PM20D2: variants seen among roughly 807,000 people sequenced by gnomAD.
PM20D2 encodes the protein xaa-Arg dipeptidase.
PM20D2 carries 33 observed loss-of-function variants against 42.9 expected under a neutral mutation model. That is an observed-to-expected ratio of 0.77 (90% CI 0.58 to 1.03). The LOEUF is 1.03. PM20D2 is among the 50% of genes least tolerant of loss of function. The pLI is 0.00. For missense variants in PM20D2, 548 were observed against 557.0 expected, an observed-to-expected ratio of 0.98 and a Z score of 0.16; for synonymous variants, 250 against 228.2, an observed-to-expected ratio of 1.10 and a Z score of -0.86.
the PM20D2 span, among the ~76,000 whole-genome samples, chr6:89,140,520 G>C: frequency 6.6e-6 from 1 of 152,168 alleles, no homozygotes; most frequent in East Asian, 1.9e-4. Flanking sequence ...GACTTTAAAA[G>C]CACTGCACCG....
At chr6:89,106,904 C>T in the PM20D2 span, 1 of 523,134 alleles carries the variant, frequency 1.9e-6, no homozygotes, top group Non-Finnish European at 3.7e-6. Context: ...TCCCTCTTTA[C>T]TCCTTGATGC....
chr6:89,099,001 G>A, the PM20D2 span: 1 of 1,518,316 alleles, frequency 6.6e-7, no homozygotes. Context: ...AAGAGATCAG[G>A]AAATAACACT....
the PM20D2 span, among the ~76,000 whole-genome samples, chr6:89,094,973 C>A: frequency 6.6e-6 from 1 of 151,900 alleles, no homozygotes; most frequent in Non-Finnish European, 1.5e-5. Flanking sequence ...GTCCTTAAAC[C>A]CTTGGGAGTC....
rs988924753 is a variant in PM20D2, at chr6:89,165,159, G to A, written c.*2896G>A. ...ACAATAAGTTTTTTTTTTTAAGGAT[G>A]ATTGTCTAATTTTGTAATATGTTGT... On this transcript the variant is annotated 3_prime_UTR_variant, in exon 7 of 7. Transcript: ENST00000275072. 2.6e-5 allele frequency: 4 copies of A among 151,598 alleles called. No individual in the cohort carries two copies. The highest frequency in any genetic ancestry group is 4.8e-5 in the African/African-American group (2 of 41,300). The allele number at this position is 151,598 out of a possible 1,614,324, so 9.4% of individuals were successfully genotyped here.
At chr6:89,099,815 G>A in the PM20D2 span, among the ~76,000 whole-genome samples, 1 of 152,022 alleles carries the variant, frequency 6.6e-6, no homozygotes, top group African/African-American at 2.4e-5. Flanking sequence ...GATTACAGGC[G>A]TGAGCTACCA....
chr6:89,111,225 C>T, the PM20D2 span, among the ~76,000 whole-genome samples: 2,321 of 152,108 alleles, frequency 0.015, 58 homozygotes, highest in African/African-American at 0.051. Flanking sequence ...TCTCGTGCCT[C>T]AACCTCCCAA....
At chr6:89,118,476 G>A in the PM20D2 span, among the ~76,000 whole-genome samples, 1 of 152,090 alleles carries the variant, frequency 6.6e-6, no homozygotes, top group East Asian at 1.9e-4. Context: ...GTGAGGTCTC[G>A]GTTTTGTTCG....
the PM20D2 span, chr6:89,117,709 G>A: frequency 4.8e-5 from 52 of 1,080,096 alleles, no homozygotes; most frequent in Non-Finnish European, 6.3e-5. Context: ...CTGGGCCCGC[G>A]GGGAGGCTCC....
the PM20D2 span, among the ~76,000 whole-genome samples, chr6:89,116,700 G>A: frequency 6.6e-6 from 1 of 151,864 alleles, no homozygotes; most frequent in South Asian, 2.1e-4. Flanking sequence ...GCTTGAACCC[G>A]GGAGGCAGAG....
At chr6:89,157,614 T>C (rs776367711) in intron 4 of PM20D2, among the ~76,000 whole-genome samples, 2 of 152,224 alleles carry the variant, frequency 1.3e-5, no homozygotes, top group Non-Finnish European at 2.9e-5. Context: ...TTAGTAAAGC[T>C]TAATTTCTTT....
At chr6:89,126,701 A>G in the PM20D2 span, among the ~76,000 whole-genome samples, 3 of 149,674 alleles carry the variant, frequency 2.0e-5, no homozygotes, top group Admixed American at 1.3e-4. Flanking sequence ...AGTTATTAGC[A>G]TTGTCCACTG....
At chr6:89,137,253 A>G in the PM20D2 span, among the ~76,000 whole-genome samples, 2 of 152,186 alleles carry the variant, frequency 1.3e-5, no homozygotes, top group Non-Finnish European at 2.9e-5. Flanking sequence ...GCTGGATGCA[A>G]TGGCTCACAC....
chr6:89,144,395 A>G (rs1046492359), upstream of PM20D2, among the ~76,000 whole-genome samples: 1 of 152,132 alleles, frequency 6.6e-6, no homozygotes, highest in African/African-American at 2.4e-5. Flanking sequence ...ATTCAAAATG[A>G]GTGTTGTGGG....
the PM20D2 span, among the ~76,000 whole-genome samples, chr6:89,140,472 G>A: frequency 1.3e-4 from 19 of 144,658 alleles, no homozygotes; most frequent in Non-Finnish European, 2.4e-4. Flanking sequence ...GTACACAGTC[G>A]AGGTGAACAC....
At chr6:89,104,593 A>G in the PM20D2 span, among the ~76,000 whole-genome samples, 1 of 149,570 alleles carries the variant, frequency 6.7e-6, no homozygotes, top group East Asian at 1.9e-4. Context: ...CTTCTCATGT[A>G]AAAAGATAAA....
At chr6:89,107,043 A>G in the PM20D2 span, 1 of 1,106,304 alleles carries the variant, frequency 9.0e-7, no homozygotes, top group Non-Finnish European at 1.4e-6. Flanking sequence ...ATAAAGAAAT[A>G]AACACATTTA....
chr6:89,114,043 T>C, the PM20D2 span, among the ~76,000 whole-genome samples: 1 of 152,224 alleles, frequency 6.6e-6, no homozygotes, highest in Non-Finnish European at 1.5e-5. Context: ...CATGTGATGA[T>C]TCTAATTTCA....
chr6:89,105,418 C>A, the PM20D2 span: 1 of 1,591,644 alleles, frequency 6.3e-7, no homozygotes, highest in South Asian at 1.2e-5. Flanking sequence ...AGCATTCAGT[C>A]ACACTTACTT....
chr6:89,106,122 GT>G, the PM20D2 span, among the ~76,000 whole-genome samples: 1 of 150,072 alleles, frequency 6.7e-6, no homozygotes, highest in African/African-American at 2.4e-5. Flanking sequence ...AAATGTTTAT[GT>G]TTTTTTCTGT....
Sources: gnomAD v4.1 joint callset for allele counts (sites outside exome capture counted in the v4.1 genomes callset) on GRCh38, gnomAD v4.1.1 for gene constraint, MANE v1.5 for transcripts, NCBI Gene and HGNC (gene_info 2026-07-23, HGNC 2026-07-21) for gene names.